PDK1: variants seen among roughly 807,000 people sequenced by gnomAD.
The protein encoded by PDK1 is pyruvate dehydrogenase kinase 1.
A neutral mutation model predicts 54.2 loss-of-function variants in PDK1; 39 were observed. The ratio of observed to expected loss-of-function variants is 0.72; its 90% confidence interval spans 0.56 to 0.94. The LOEUF is 0.94. Among genes scored for constraint, PDK1 ranks in the 40% least tolerant of loss-of-function variants. The pLI is 0.00. For synonymous variants in PDK1, 221 were observed against 207.1 expected, an observed-to-expected ratio of 1.07 and a Z score of -0.58; for missense variants, 552 against 566.0, an observed-to-expected ratio of 0.98 and a Z score of 0.25.
chr2:172,701,631 G>GGTT, the PDK1 span, among the ~76,000 whole-genome samples: 6 of 128,576 alleles, frequency 4.7e-5, no homozygotes, highest in South Asian at 2.5e-4. Context: ...AGTTTATCCT[G>GGTT]TTTTTTTTTT....
intron 8 of PDK1, among the ~76,000 whole-genome samples, chr2:172,578,469 T>C (rs148028046): frequency 1.2e-3 from 185 of 152,358 alleles, no homozygotes; most frequent in African/African-American, 4.2e-3. Flanking sequence ...TATTGCCCTA[T>C]ATTTTATTGT....
the PDK1 span, among the ~76,000 whole-genome samples, chr2:172,675,272 C>T: frequency 6.6e-6 from 1 of 152,188 alleles, no homozygotes; most frequent in African/African-American, 2.4e-5. Context: ...GAAGATCTCA[C>T]CTCTCTCACT....
chr2:172,664,715 G>A, the PDK1 span, among the ~76,000 whole-genome samples: 1 of 148,564 alleles, frequency 6.7e-6, no homozygotes, highest in East Asian at 1.9e-4. Context: ...TCTTCTTCTG[G>A]CCCTTTCTCC....
At chr2:172,696,132 A>C in the PDK1 span, among the ~76,000 whole-genome samples, 1 of 143,128 alleles carries the variant, frequency 7.0e-6, no homozygotes, top group African/African-American at 2.6e-5. Context: ...AGATCTCACC[A>C]TTGCACTCCA....
chr2:172,668,902 T>G, the PDK1 span, among the ~76,000 whole-genome samples: 6 of 89,730 alleles, frequency 6.7e-5, no homozygotes, highest in African/African-American at 2.5e-4. Flanking sequence ...CACATATATA[T>G]ATATAGAGAG....
the PDK1 span, chr2:172,691,170 A>G: frequency 2.0e-5 from 3 of 150,174 alleles, 1 homozygote; most frequent in Non-Finnish European, 4.4e-5. Flanking sequence ...CAAAAGGTAA[A>G]GGGATTTCCA....
At chr2:172,692,774 A>T in the PDK1 span, among the ~76,000 whole-genome samples, 1 of 152,164 alleles carries the variant, frequency 6.6e-6, no homozygotes, top group East Asian at 1.9e-4. Context: ...TCTGCATTTA[A>T]TTTAATTTGG....
the PDK1 span, among the ~76,000 whole-genome samples, chr2:172,668,906 T>TATACAGAGAGAGAGAGAGAGAGAGAG: frequency 7.7e-6 from 1 of 130,650 alleles, no homozygotes. Flanking sequence ...TATATATATA[T>TATACAGAGAGAGAGAGAGAGAGAGAG]AGAGAGAGAG....
At chr2:172,657,171 T>G in the PDK1 span, among the ~76,000 whole-genome samples, 1 of 152,050 alleles carries the variant, frequency 6.6e-6, no homozygotes, top group Non-Finnish European at 1.5e-5. Flanking sequence ...AGAATTGTTT[T>G]GTTTTGTTAT....
chr2:172,566,693 C>CG (rs1405869911), intron 5 of PDK1, among the ~76,000 whole-genome samples, 163 bp from the exon 6 acceptor site: 1 of 59,568 alleles, frequency 1.7e-5, no homozygotes, highest in East Asian at 4.5e-4. Flanking sequence ...ATGTCTCTAC[C>CG]AAAAAAAAAA....
chr2:172,612,964 T>G (rs1691510114), downstream of PDK1, among the ~76,000 whole-genome samples: 1 of 152,204 alleles, frequency 6.6e-6, no homozygotes, highest in South Asian at 2.1e-4. Flanking sequence ...CCGGCCCAGC[T>G]AGTGTTTTAA....
intron 1 of PDK1, chr2:172,556,649 T>G: frequency 7.9e-6 from 2 of 254,664 alleles, no homozygotes; most frequent in Non-Finnish European, 1.5e-5. Context: ...GCCAGGCCCC[T>G]TCCAAGGAGT....
intron 8 of PDK1, among the ~76,000 whole-genome samples, chr2:172,574,213 C>T (rs1031719398): frequency 3.3e-5 from 5 of 152,206 alleles, no homozygotes; most frequent in Non-Finnish European, 7.3e-5. Flanking sequence ...ATTGCCCTGT[C>T]ACCCTTGTCA....
At chr2:172,635,677 C>T in the PDK1 span, among the ~76,000 whole-genome samples, 3 of 152,162 alleles carry the variant, frequency 2.0e-5, no homozygotes, top group Non-Finnish European at 2.9e-5. Flanking sequence ...TTACAGACCC[C>T]GGGAGAGACT....
chr2:172,632,610 A>T, the PDK1 span, among the ~76,000 whole-genome samples: 1 of 152,196 alleles, frequency 6.6e-6, no homozygotes, highest in Non-Finnish European at 1.5e-5. Context: ...AATGACATCT[A>T]ATAGTCATTG....
At chr2:172,720,314 C>T in the PDK1 span, among the ~76,000 whole-genome samples, 4 of 152,140 alleles carry the variant, frequency 2.6e-5, no homozygotes, top group South Asian at 2.1e-4. Flanking sequence ...GAGGTTTCAC[C>T]GTGTTGGCCA....
the PDK1 span, among the ~76,000 whole-genome samples, chr2:172,672,070 C>T: frequency 1.3e-5 from 2 of 152,204 alleles, no homozygotes; most frequent in African/African-American, 2.4e-5. Context: ...GTAAGGAGAG[C>T]GTACTTGACT....
chr2:172,568,189 G>A (rs573959260), intron 6 of PDK1, among the ~76,000 whole-genome samples: 8 of 152,020 alleles, frequency 5.3e-5, no homozygotes, highest in South Asian at 2.1e-4. Context: ...TCAGCCAGGC[G>A]TGGTGGTTGG....
chr2:172,696,735 G>A, the PDK1 span, among the ~76,000 whole-genome samples: 9 of 151,848 alleles, frequency 5.9e-5, no homozygotes, highest in Non-Finnish European at 1.2e-4. Context: ...TTATATTTCT[G>A]CATTGCTAAA....
Sources: allele counts gnomAD v4.1 joint callset (sites outside exome capture counted in the v4.1 genomes callset), GRCh38; gene constraint gnomAD v4.1.1; transcripts MANE v1.5; gene names NCBI Gene and HGNC (gene_info 2026-07-23, HGNC 2026-07-21).